Variants in TANC2 observed in about 807,000 individuals in gnomAD.
The protein encoded by TANC2 is tetratricopeptide repeat, ankyrin repeat and coiled-coil containing 2, also known as protein TANC2.
A neutral mutation model predicts 210.5 loss-of-function variants in TANC2; 26 were observed. That is an observed-to-expected ratio of 0.12 (90% confidence interval 0.09 to 0.17). The LOEUF (loss-of-function observed/expected upper bound fraction) is 0.17, where lower values mean the gene tolerates loss of function less well. TANC2 is among the 10% of genes least tolerant of loss of function. The probability of loss-of-function intolerance (pLI) is 1.00; values close to 1 mark genes in which losing one functional copy is unlikely to be tolerated. For missense variants in TANC2, 2,129 were observed against 2,608.9 expected, an observed-to-expected ratio of 0.82 and a Z score of 4.01; for synonymous variants, 931 against 967.1, an observed-to-expected ratio of 0.96 and a Z score of 0.69.
At chr17:63,072,586 GT>G (rs1297475196) in intron 2 of TANC2, among the ~76,000 whole-genome samples, 1 of 151,906 alleles carries the variant, frequency 6.6e-6, no homozygotes, top group Non-Finnish European at 1.5e-5. Context: ...AAAAAATATG[GT>G]TGCCTATCAC....
At chr17:62,977,812 A>G (rs550560276) in intron 1 of TANC2, among the ~76,000 whole-genome samples, 1 of 152,136 alleles carries the variant, frequency 6.6e-6, no homozygotes, top group South Asian at 2.1e-4. Flanking sequence ...CTCTAGTTAT[A>G]TTCCTTGGAG....
At chr17:63,395,859 A>G in exon 18 of TANC2, 1 of 1,611,688 alleles carries the variant, frequency 6.2e-7, no homozygotes, top group Non-Finnish European at 8.5e-7. Context: ...GCCAGCAGCA[A>G]GGAGTATTTA....
At chr17:63,275,781 G>A (rs189557159) in intron 9 of TANC2, among the ~76,000 whole-genome samples, 7 of 152,226 alleles carry the variant, frequency 4.6e-5, no homozygotes, top group African/African-American at 1.4e-4. Flanking sequence ...TTAGTTGTAT[G>A]AGGTTGTTCC....
intron 11 of TANC2, among the ~76,000 whole-genome samples, chr17:63,324,023 G>A (rs1460160872): frequency 2.0e-5 from 3 of 152,176 alleles, no homozygotes; most frequent in Non-Finnish European, 1.5e-5. Context: ...GTGTTATTTC[G>A]AAAAATCCAT....
intron 3 of TANC2, among the ~76,000 whole-genome samples, chr17:63,087,178 G>T (rs987942297): frequency 1.3e-5 from 2 of 152,202 alleles, no homozygotes; most frequent in African/African-American, 2.4e-5. Flanking sequence ...AACTGGGTGT[G>T]TTTCTAATCC....
intron 11 of TANC2, among the ~76,000 whole-genome samples, chr17:63,328,902 A>G (rs977983464): frequency 1.3e-5 from 2 of 152,186 alleles, no homozygotes; most frequent in African/African-American, 4.8e-5. Context: ...CCATAAATGT[A>G]TGCAATTATG....
chr17:63,155,368 T>G (rs1430868877), intron 5 of TANC2: 1 of 152,176 alleles, frequency 6.6e-6, no homozygotes, highest in Non-Finnish European at 1.5e-5. Flanking sequence ...ATTATACTTT[T>G]CTGCATTTTC....
intron 14 of TANC2, 91 bp downstream of exon 14, chr17:63,355,481 G>T: frequency 7.5e-7 from 1 of 1,342,046 alleles, no homozygotes; most frequent in African/African-American, 1.5e-5. Context: ...GTTCTTCATT[G>T]AACATTTCAC....
intron 5 of TANC2, among the ~76,000 whole-genome samples, chr17:63,181,507 A>G (rs2040783453): frequency 6.6e-6 from 1 of 152,254 alleles, no homozygotes. Context: ...GGAACATTTC[A>G]ACAAGCCAGC....
intron 9 of TANC2, among the ~76,000 whole-genome samples, chr17:63,309,411 T>C (rs1215306796): frequency 6.7e-6 from 1 of 149,966 alleles, no homozygotes; most frequent in Non-Finnish European, 1.5e-5. Flanking sequence ...ATGGTAGATA[T>C]AGTTTGCTTT....
intron 5 of TANC2, among the ~76,000 whole-genome samples, chr17:63,181,933 G>T (rs991860486): frequency 5.9e-5 from 9 of 152,280 alleles, no homozygotes; most frequent in Admixed American, 5.9e-4. Flanking sequence ...TTTGACAGTT[G>T]TATCACTCCA....
intron 13 of TANC2, among the ~76,000 whole-genome samples, chr17:63,351,863 C>G (rs1476655695): frequency 6.6e-6 from 1 of 152,104 alleles, no homozygotes; most frequent in African/African-American, 2.4e-5. Context: ...TATGGACTTT[C>G]CTCTATATCT....
chr17:63,175,533 CAA>C (rs57220783), intron 5 of TANC2, among the ~76,000 whole-genome samples: 26,106 of 102,868 alleles, frequency 0.25, 2,132 homozygotes, highest in South Asian at 0.33. Flanking sequence ...TCTCCCCCGC[CAA>C]AAAAAAAAAA....
At chr17:63,147,321 G>A (rs966474446) in intron 4 of TANC2, among the ~76,000 whole-genome samples, 31 of 151,982 alleles carry the variant, frequency 2.0e-4, no homozygotes, top group Admixed American at 1.9e-3. Context: ...CTGCACTCTC[G>A]CCTGGGCAAC....
At chr17:63,224,771 C>T (rs981012582) in intron 7 of TANC2, among the ~76,000 whole-genome samples, 4 of 152,126 alleles carry the variant, frequency 2.6e-5, no homozygotes, top group Non-Finnish European at 5.9e-5. Context: ...GTCCATTAGG[C>T]CTCCAGGGAG....
chr17:63,115,384 A>G (rs1186504696), intron 4 of TANC2, among the ~76,000 whole-genome samples: 8 of 152,224 alleles, frequency 5.3e-5, no homozygotes, highest in Admixed American at 3.9e-4. Flanking sequence ...TAACCATTCC[A>G]TAGAAACCAC....
intron 8 of TANC2, among the ~76,000 whole-genome samples, chr17:63,263,914 CTGCTATTGGTACAATA>C (rs2043444741): frequency 6.6e-6 from 1 of 152,188 alleles, no homozygotes; most frequent in Non-Finnish European, 1.5e-5. Flanking sequence ...GTATATCACT[CTGCTATTGGTACAATA>C]ATGCTGTGTA....
At chr17:63,411,182 G>C (rs1051941812) in intron 21 of TANC2, among the ~76,000 whole-genome samples, 3 of 152,132 alleles carry the variant, frequency 2.0e-5, no homozygotes, top group Non-Finnish European at 4.4e-5. Context: ...GAGGATTGAC[G>C]GGAGATCCGA....
chr17:63,054,546 A>ATTTT (rs372855287), intron 2 of TANC2, among the ~76,000 whole-genome samples: 12 of 136,962 alleles, frequency 8.8e-5, no homozygotes, highest in Non-Finnish European at 1.6e-4. Flanking sequence ...TAATTTTTGT[A>ATTTT]TTTTTTTTTT....
Sources: gnomAD v4.1 joint callset for allele counts (sites outside exome capture counted in the v4.1 genomes callset) on GRCh38, gnomAD v4.1.1 for gene constraint, MANE v1.5 for transcripts, NCBI Gene and HGNC (gene_info 2026-07-23, HGNC 2026-07-21) for gene names.